NKAIN2: variants seen among roughly 807,000 people sequenced by gnomAD.
The protein encoded by NKAIN2 is sodium/potassium transporting ATPase interacting 2.
In NKAIN2, 14 loss-of-function variants were observed where a neutral mutation model predicts 32.6. The ratio of observed to expected loss-of-function variants is 0.43; its 90% CI spans 0.28 to 0.67. The LOEUF (loss-of-function observed/expected upper bound fraction) is 0.67. NKAIN2 is among the 30% of genes least tolerant of loss of function. The pLI is 0.17. For synonymous variants in NKAIN2, 80 were observed against 87.2 expected, an observed-to-expected ratio of 0.92 and a Z score of 0.46; for missense variants, 198 against 258.3, an observed-to-expected ratio of 0.77 and a Z score of 1.60.
intron 3 of NKAIN2, among the ~76,000 whole-genome samples, chr6:124,409,410 T>C (rs1190690807): frequency 3.3e-5 from 5 of 152,208 alleles, no homozygotes; most frequent in African/African-American, 9.6e-5. Flanking sequence ...TGAAGGGTTG[T>C]TGAATTTTGT....
chr6:124,476,061 A>T (rs1199343945), intron 3 of NKAIN2, among the ~76,000 whole-genome samples: 5 of 85,704 alleles, frequency 5.8e-5, no homozygotes, highest in African/African-American at 2.6e-4. Flanking sequence ...AGAGAGAGAG[A>T]GAGAGTGTGT....
At chr6:123,896,683 C>G (rs1198742669) in intron 1 of NKAIN2, among the ~76,000 whole-genome samples, 1 of 152,140 alleles carries the variant, frequency 6.6e-6, no homozygotes, top group Non-Finnish European at 1.5e-5. Flanking sequence ...GTTTTGCAGG[C>G]TTCTTTTGTC....
intron 1 of NKAIN2, among the ~76,000 whole-genome samples, chr6:124,134,039 T>G (rs1046707526): frequency 2.0e-5 from 3 of 151,724 alleles, no homozygotes; most frequent in African/African-American, 7.3e-5. Context: ...AAGAAATCCC[T>G]GAATTACCAG....
intron 1 of NKAIN2, among the ~76,000 whole-genome samples, chr6:124,192,713 TTGTC>T (rs1790079925): frequency 6.6e-6 from 1 of 151,588 alleles, no homozygotes; most frequent in Non-Finnish European, 1.5e-5. Flanking sequence ...AATTGTGGTG[TTGTC>T]TATTTCTCTC....
intron 3 of NKAIN2, among the ~76,000 whole-genome samples, chr6:124,657,792 G>GA (rs1281600901): frequency 6.6e-6 from 1 of 151,590 alleles, no homozygotes; most frequent in Non-Finnish European, 1.5e-5. Flanking sequence ...CATTTTGAGA[G>GA]AAAAAAATAA....
rs578188582 is a variant in NKAIN2, at chr6:124,008,636, T to G, written c.54+204382T>G. Reference sequence around the variant, plus strand: ...CTTTGGCAACAGGTGTTTGTTTAGATGCGTGTTTATGAAAATCCTTGCTGA... The same window carrying G: ...CTTTGGCAACAGGTGTTTGTTTAGAGGCGTGTTTATGAAAATCCTTGCTGA... On this transcript the variant is annotated intron_variant, in intron 1 of 6. Transcript: ENST00000368417. Among the ~76,000 whole-genome samples, 36 of 152,224 alleles carry G rather than the reference T, an allele frequency of 2.4e-4. No homozygotes were observed. The South Asian group carries it at 6.6e-3, about 28-fold the overall frequency.
chr6:124,807,541 A>G (rs1274640676), intron 5 of NKAIN2, among the ~76,000 whole-genome samples: 30 of 150,228 alleles, frequency 2.0e-4, no homozygotes, highest in Middle Eastern at 6.9e-3. Flanking sequence ...AAAGCAGGAA[A>G]GATCCAAAAT....
intron 3 of NKAIN2, among the ~76,000 whole-genome samples, chr6:124,638,240 C>G (rs1356881723): frequency 6.6e-6 from 1 of 152,160 alleles, no homozygotes; most frequent in Non-Finnish European, 1.5e-5. Context: ...ACCCCTCTCT[C>G]TCACCATATC....
rs1781462549 is a variant in NKAIN2, at chr6:124,823,232, C to T, written c.*3C>T. 1 of 1,594,058 alleles carries T rather than the reference C, an allele frequency of 6.3e-7. No individual in the cohort carries two copies. Among genetic ancestry groups the T allele is most frequent in the African/African-American group, 1.3e-5 (1 of 74,702 alleles). ...TTCTCTCTCTCAGGTCAAAATAATA[C>T]AGATGACTTCAGTATGTCAGCCCAT... On this transcript the variant is annotated 3_prime_UTR_variant, in exon 7 of 7. Transcript: ENST00000368417.
At chr6:124,750,320 G>A (rs1040918889) in intron 4 of NKAIN2, among the ~76,000 whole-genome samples, 3 of 151,892 alleles carry the variant, frequency 2.0e-5, no homozygotes, top group Non-Finnish European at 2.9e-5. Context: ...TCTCAACCTT[G>A]AGTCTTCCAT....
chr6:124,299,600 A>G (rs1049085279), intron 2 of NKAIN2, among the ~76,000 whole-genome samples: 2 of 152,204 alleles, frequency 1.3e-5, no homozygotes, highest in Admixed American at 6.5e-5. Context: ...CTATGTCTTA[A>G]AAATAACATC....
At chr6:124,799,535 G>A (rs1780161369) in intron 5 of NKAIN2, among the ~76,000 whole-genome samples, 1 of 152,114 alleles carries the variant, frequency 6.6e-6, no homozygotes, top group Non-Finnish European at 1.5e-5. Flanking sequence ...AATATGAGGG[G>A]AAAGAAGCTG....
In NKAIN2 at chr6:124,248,406, C is replaced by A. The variant is rs1018051330; in HGVS notation, c.55-34599C>A. ...CCTGTGTTTGTTTTATGTCTTCCTTCCCCCCCACCGAACCTTTTCCCAAAT... is the reference window on the plus strand; with the variant it reads ...CCTGTGTTTGTTTTATGTCTTCCTTACCCCCCACCGAACCTTTTCCCAAAT... On this transcript the variant is annotated intron_variant, in intron 1 of 6. Coordinates refer to ENST00000368417, the MANE Select transcript of NKAIN2 (RefSeq NM_001040214.3). Among the ~76,000 whole-genome samples, 3 of 151,768 alleles carry A rather than the reference C, an allele frequency of 2.0e-5. No individual in the cohort carries two copies. In the East Asian group the frequency reaches 5.8e-4, roughly 29 times the overall value.
intron 1 of NKAIN2, among the ~76,000 whole-genome samples, chr6:124,213,255 T>C (rs534620423): frequency 6.6e-6 from 1 of 152,294 alleles, no homozygotes; most frequent in Admixed American, 6.5e-5. Flanking sequence ...TTCTCTACTT[T>C]GAATTTATTG....
intron 3 of NKAIN2, among the ~76,000 whole-genome samples, chr6:124,559,400 G>A (rs1404212746): frequency 6.6e-6 from 1 of 152,164 alleles, no homozygotes; most frequent in Non-Finnish European, 1.5e-5. Context: ...CTGAGGCTAA[G>A]TGACTCATTT....
intron 2 of NKAIN2, among the ~76,000 whole-genome samples, chr6:124,324,217 C>G (rs529222292): frequency 6.6e-6 from 1 of 152,130 alleles, no homozygotes; most frequent in Admixed American, 6.6e-5. Flanking sequence ...ATCTTTACTA[C>G]GATGAGTCTT....
In NKAIN2 at chr6:123,930,812, C is replaced by G. The variant is rs151206004; in HGVS notation, c.54+126558C>G. Among the ~76,000 whole-genome samples the G allele has an allele frequency of 1.7e-3, 260 of 152,196 alleles. 3 individuals are homozygous for G. The highest frequency in any genetic ancestry group is 5.9e-3 in the African/African-American group (247 of 41,536). On this transcript the variant is annotated intron_variant, in intron 1 of 6. Transcript: ENST00000368417. ...GTCCCTCCTTGTCCTTGAGGAGTCT[C>G]TAGTCAGGCACAGGTAGGACTAAAT...
In NKAIN2 at chr6:124,625,583, A is replaced by AGAG. The variant is rs1280567195; in HGVS notation, c.274-32602_274-32600dup. ...TTAGATAAAAACCAGTGGTGCAGCA[A>AGAG]GAGTATTTTTCAAACTCTTAAATAG... On this transcript the variant is annotated intron_variant, in intron 3 of 6. Transcript: ENST00000368417. Among the ~76,000 whole-genome samples the AGAG allele has an allele frequency of 2.0e-5, 3 of 152,328 alleles. No individual in the cohort carries two copies. In the East Asian group the frequency reaches 5.8e-4, roughly 29 times the overall value.
chr6:123,918,642 A>T (rs1043061457), intron 1 of NKAIN2, among the ~76,000 whole-genome samples: 1 of 152,162 alleles, frequency 6.6e-6, no homozygotes, highest in Non-Finnish European at 1.5e-5. Flanking sequence ...TATTTAAATC[A>T]CTGGACTGAG....
Sources: gnomAD v4.1 joint callset for allele counts (sites outside exome capture counted in the v4.1 genomes callset) on GRCh38, gnomAD v4.1.1 for gene constraint, MANE v1.5 for transcripts, NCBI Gene and HGNC (gene_info 2026-07-23, HGNC 2026-07-21) for gene names.